The following PHKB variants were observed in gnomAD, a reference collection of about 807,000 sequenced individuals.
PHKB encodes phosphorylase kinase regulatory subunit beta.
In PHKB, 122 loss-of-function variants were observed where a neutral mutation model predicts 152.1. The ratio of observed to expected loss-of-function variants is 0.80; its 90% CI spans 0.69 to 0.93. PHKB has a LOEUF of 0.93. Among genes scored for constraint, PHKB ranks in the 40% least tolerant of loss-of-function variants. PHKB has a pLI of 0.00. For synonymous variants in PHKB, 436 were observed against 464.9 expected, an observed-to-expected ratio of 0.94 and a Z score of 0.80; for missense variants, 1,304 against 1,328.4, an observed-to-expected ratio of 0.98 and a Z score of 0.29.
rs759882590 is a variant in PHKB at position 47,499,793 on chromosome 16, C to G, written c.204C>G (p.Thr68=). 3.1e-6 allele frequency: 5 copies of G among 1,614,142 alleles called. No homozygotes were observed. The highest frequency in any genetic ancestry group is 2.7e-5 in the African/African-American group (2 of 75,054). ...TGCTGCTGTATCAAAGTCCAACTAC[C>G]GGTCTCTTTCCCACTAAAACATGCG... ...STLLLYQSPT[T]GLFPTKTCGG... is the part of the protein sequence containing the mutation. Residue 68 remains threonine (T), a synonymous_variant, in exon 3 of 31, where the codon ACC becomes ACG. Transcript: ENST00000323584.
intron 10 of PHKB, chr16:47,590,901 T>C (rs1285875963): frequency 6.6e-6 from 1 of 152,240 alleles, no homozygotes; most frequent in Non-Finnish European, 1.5e-5. Flanking sequence ...TCGCAGACTT[T>C]CCTTTTTATT....
At chr16:47,693,181 G>T (rs1974091751) in intron 27 of PHKB, among the ~76,000 whole-genome samples, 197 bp from the exon 28 acceptor site, 2 of 152,266 alleles carry the variant, frequency 1.3e-5, no homozygotes, top group South Asian at 4.1e-4. Flanking sequence ...GAATCTTGGA[G>T]ACTTCCTCCT....
At chr16:47,677,861 T>C (rs1597172242) in intron 26 of PHKB, among the ~76,000 whole-genome samples, 1 of 151,826 alleles carries the variant, frequency 6.6e-6, no homozygotes, top group South Asian at 2.1e-4. Flanking sequence ...GTTGGTGTGC[T>C]GCACCCATTA....
chr16:47,470,177 C>T lies in PHKB; in HGVS notation c.76+8751C>T, dbSNP rs1969739773. 2.0e-5 allele frequency among the ~76,000 whole-genome samples: 3 copies of T among 152,158 alleles called. No homozygotes were observed. In the South Asian group the frequency reaches 6.2e-4, roughly 32 times the overall value. On this transcript the variant is annotated intron_variant, in intron 1 of 30. Coordinates refer to ENST00000323584, the MANE Select transcript of PHKB (RefSeq NM_000293.3). The stretch of plus-strand genomic sequence containing the variant: ...AGTGGGAAATCAGGGGTCTCACAGC[C>T]TTCAGAGCTGAGAGCCTCTAACAGA...
chr16:47,630,441 T>TC (rs1972806321), intron 14 of PHKB, among the ~76,000 whole-genome samples: 1 of 151,410 alleles, frequency 6.6e-6, no homozygotes, highest in Non-Finnish European at 1.5e-5. Flanking sequence ...GAGATTTCGC[T>TC]GCTGCACTCC....
chr16:47,545,963 A>G (rs1185478836), intron 6 of PHKB, among the ~76,000 whole-genome samples: 1 of 152,166 alleles, frequency 6.6e-6, no homozygotes, highest in Non-Finnish European at 1.5e-5. Flanking sequence ...GGTCTTCTCT[A>G]CACTGTTTAT....
intron 6 of PHKB, among the ~76,000 whole-genome samples, chr16:47,521,846 A>G (rs1234093553): frequency 6.6e-6 from 1 of 152,022 alleles, no homozygotes; most frequent in East Asian, 1.9e-4. Flanking sequence ...TATTTAATTA[A>G]TATATACTAC....
In PHKB at chr16:47,699,394, G is replaced by C; in HGVS notation, c.*28G>C. ...GGGAAGGTGTAGGAAGCTCTGTTGA[G>C]ACACATGTTCTGAAGTGTGTTGTGT... On this transcript the variant is annotated 3_prime_UTR_variant, in exon 31 of 31. Transcript: ENST00000323584. 3 of 1,613,004 alleles carry C rather than the reference G, an allele frequency of 1.9e-6. No homozygotes were observed. Among genetic ancestry groups the C allele is most frequent in the Non-Finnish European group, 2.5e-6 (3 of 1,178,960 alleles).
At chr16:47,493,124 G>A (rs557965840) in intron 1 of PHKB, among the ~76,000 whole-genome samples, 100 of 152,216 alleles carry the variant, frequency 6.6e-4, no homozygotes, top group African/African-American at 2.3e-3. Flanking sequence ...GCTCCACCCC[G>A]TTGCACACTC....
At chr16:47,669,903 T>C (rs1973609328) in intron 26 of PHKB, among the ~76,000 whole-genome samples, 1 of 152,198 alleles carries the variant, frequency 6.6e-6, no homozygotes, top group Non-Finnish European at 1.5e-5. Context: ...AAAATAAGGC[T>C]CTGATGATCT....
chr16:47,604,226 A>G (rs781489318), intron 13 of PHKB, among the ~76,000 whole-genome samples: 2 of 152,126 alleles, frequency 1.3e-5, no homozygotes, highest in Non-Finnish European at 2.9e-5. Context: ...AATGTTTTAT[A>G]TATTAAGTGT....
chr16:47,696,704 G>A (rs1974154476), intron 29 of PHKB, among the ~76,000 whole-genome samples: 2 of 152,064 alleles, frequency 1.3e-5, no homozygotes, highest in Admixed American at 6.5e-5. Flanking sequence ...CAAGGCACAC[G>A]AGCAATTCAG....
chr16:47,679,250 C>T (rs1432860399), intron 26 of PHKB, among the ~76,000 whole-genome samples: 6 of 152,094 alleles, frequency 3.9e-5, no homozygotes, highest in South Asian at 2.1e-4. Flanking sequence ...CTTGGCGATG[C>T]GGGCTCTTTT....
At chr16:47,582,143 C>T (rs1199021793) in intron 8 of PHKB, among the ~76,000 whole-genome samples, 1 of 152,220 alleles carries the variant, frequency 6.6e-6, no homozygotes, top group African/African-American at 2.4e-5. Context: ...TCTTGCTAAC[C>T]TGGCTTCTGT....
At chr16:47,617,199 T>C (rs556479946) in intron 14 of PHKB, among the ~76,000 whole-genome samples, 196 of 147,932 alleles carry the variant, frequency 1.3e-3, no homozygotes, top group Admixed American at 3.1e-3. Context: ...AAGTATATAC[T>C]AAGTAATATA....
chr16:47,641,488 T>C, intron 15 of PHKB, 111 bp from the exon 16 acceptor site: 1 of 705,098 alleles, frequency 1.4e-6, no homozygotes, highest in Non-Finnish European at 2.6e-6. Flanking sequence ...TACTAACAAA[T>C]TAATAATGCC....
chr16:47,589,880 G>A (rs1293106386), intron 10 of PHKB, among the ~76,000 whole-genome samples: 1 of 152,134 alleles, frequency 6.6e-6, no homozygotes, highest in Admixed American at 6.5e-5. Flanking sequence ...CACCTCCTGG[G>A]TTCAAGCAAT....
At chr16:47,566,534 G>T in intron 7 of PHKB, 1 of 1,598,828 alleles carries the variant, frequency 6.3e-7, no homozygotes, top group South Asian at 1.1e-5. Flanking sequence ...GCACTGCACT[G>T]ATATTTAGTC....
chr16:47,531,194 G>A (rs372248189), intron 6 of PHKB, among the ~76,000 whole-genome samples: 12 of 152,270 alleles, frequency 7.9e-5, no homozygotes, highest in East Asian at 7.7e-4. Flanking sequence ...TTATGAAAGT[G>A]TAGGCTTTCC....
Sources: allele counts gnomAD v4.1 joint callset (sites outside exome capture counted in the v4.1 genomes callset), GRCh38; gene constraint gnomAD v4.1.1; transcripts MANE v1.5; gene names NCBI Gene and HGNC (gene_info 2026-07-23, HGNC 2026-07-21).